USP54: variants seen among roughly 807,000 people sequenced by gnomAD.
USP54 encodes the protein ubiquitin specific peptidase 54.
Under a neutral mutation model 170.5 loss-of-function variants are expected in USP54, and 87 were observed. The observed-to-expected ratio is 0.51, with a 90% CI of 0.43 to 0.61. The LOEUF is 0.61. Among genes scored for constraint, USP54 ranks in the 20% least tolerant of loss-of-function variants. The pLI is 0.00. For synonymous variants in USP54, 655 were observed against 742.8 expected, an observed-to-expected ratio of 0.88 and a Z score of 1.92; for missense variants, 1,786 against 2,047.8, an observed-to-expected ratio of 0.87 and a Z score of 2.47.
chr10:73,540,977 T>A (rs1405128790), intron 9 of USP54, among the ~76,000 whole-genome samples: 3 of 152,238 alleles, frequency 2.0e-5, no homozygotes, highest in Non-Finnish European at 4.4e-5. Flanking sequence ...CTTCACCTAC[T>A]ATAGCAGTTC....
intron 3 of USP54, among the ~76,000 whole-genome samples, chr10:73,573,798 G>A (rs925820807): frequency 6.6e-6 from 1 of 152,138 alleles, no homozygotes; most frequent in Non-Finnish European, 1.5e-5. Context: ...GAAAGAGCAT[G>A]AAACTTTTAT....
At chr10:73,508,047 A>G (rs183461371) in intron 20 of USP54, among the ~76,000 whole-genome samples, 8 of 152,308 alleles carry the variant, frequency 5.3e-5, no homozygotes, top group Middle Eastern at 3.4e-3. Flanking sequence ...TCCTCTAATC[A>G]AGCCAAATGT....
intron 5 of USP54, 31 bp downstream of exon 5, chr10:73,545,507 A>AT: frequency 6.2e-7 from 1 of 1,612,800 alleles, no homozygotes. Context: ...GTCCCACCCC[A>AT]TATCAAAGAG....
intron 4 of USP54, among the ~76,000 whole-genome samples, chr10:73,566,469 C>G (rs1317950487): frequency 6.6e-6 from 1 of 152,114 alleles, no homozygotes; most frequent in Non-Finnish European, 1.5e-5. Flanking sequence ...CGCAGTGGCT[C>G]ACGCCTGTAA....
At chr10:73,606,641 G>A (rs2079652227) in intron 1 of USP54, among the ~76,000 whole-genome samples, 2 of 152,192 alleles carry the variant, frequency 1.3e-5, no homozygotes, top group Admixed American at 1.3e-4. Flanking sequence ...CACTTTGGGA[G>A]GCCGAGGTGG....
chr10:73,614,499 G>A (rs1245286392), intron 1 of USP54, among the ~76,000 whole-genome samples: 3 of 143,706 alleles, frequency 2.1e-5, no homozygotes, highest in Non-Finnish European at 4.4e-5. Context: ...GGCGGATGTT[G>A]CAGTGAGCCG....
rs958023652 is a variant in USP54 at position 73,619,155 on chromosome 10, T to C, written c.-18+6412A>G. On this transcript the variant is annotated intron_variant, in intron 1 of 22. Transcript: ENST00000339859. Reference sequence around the variant, plus strand: ...TTGAACCCAGGAGGTGAAGGTTGCATTCCAGCCTGGGCGATGGAGCAAGAC... The same window carrying C: ...TTGAACCCAGGAGGTGAAGGTTGCACTCCAGCCTGGGCGATGGAGCAAGAC... Among the ~76,000 whole-genome samples, 5 of 150,456 alleles carry C rather than the reference T, an allele frequency of 3.3e-5. 1 individual carries two copies. The highest frequency in any genetic ancestry group is 1.3e-4 in the African/African-American group (5 of 39,864).
rs12257857 is a variant in USP54 at position 73,530,953 on chromosome 10, G to A, written c.1316-118C>T. The A allele has an allele frequency of 2.9e-3, 4,104 of 1,401,322 alleles. 89 individuals are homozygous for A. The African/African-American group carries it at 0.047, about 16-fold the overall frequency. The allele number at this position is 1,401,322 out of a possible 1,614,324, so 86.8% of individuals were successfully genotyped here. ...AATTTAGAGTACCCATGGAACAGAAGCTGTAGGGCATAGGCTATCTGATTT... is the reference window on the plus strand; with the variant it reads ...AATTTAGAGTACCCATGGAACAGAAACTGTAGGGCATAGGCTATCTGATTT... On this transcript the variant is annotated intron_variant, in intron 12 of 23. Coordinates refer to ENST00000687698, the MANE Select transcript of USP54 (RefSeq NM_001391956.1).
At chr10:73,605,060 G>T (rs1349259077) in intron 1 of USP54, among the ~76,000 whole-genome samples, 1 of 151,970 alleles carries the variant, frequency 6.6e-6, no homozygotes, top group East Asian at 1.9e-4. Context: ...GCTAGACACG[G>T]AGTGCTGATT....
chr10:73,559,559 TAA>T (rs574245246), intron 4 of USP54, among the ~76,000 whole-genome samples: 82 of 106,194 alleles, frequency 7.7e-4, no homozygotes, highest in Admixed American at 7.7e-4. Context: ...AAACTCCACC[TAA>T]AAAAAAAAAA....
rs1589736027 is a variant in USP54, at chr10:73,498,374, C to A, written c.*255G>T. On this transcript the variant is annotated 3_prime_UTR_variant, in exon 24 of 24. Coordinates refer to ENST00000687698, the MANE Select transcript of USP54 (RefSeq NM_001391956.1). ...CACTGCAACCTCTGCCTCCCGGGTT[C>A]AAGCAATTCTCCTGCCTCAGCCTTC... The A allele has an allele frequency of 1.3e-5, 3 of 231,506 alleles. No individual in the cohort carries two copies. Among genetic ancestry groups the A allele is most frequent in the Non-Finnish European group, 2.5e-5 (3 of 117,910 alleles). 14.3% of individuals were successfully genotyped at this position (231,506 alleles called of 1,614,324 possible). A position where few individuals can be genotyped will look rare whatever the true frequency, so the allele number is the denominator to read the frequency against.
intron 5 of USP54, among the ~76,000 whole-genome samples, chr10:73,544,404 A>C (rs900963990): frequency 6.6e-6 from 1 of 152,220 alleles, no homozygotes; most frequent in Admixed American, 6.5e-5. Flanking sequence ...TACTCACTGA[A>C]GGACATTTGG....
At chr10:73,595,681 T>G (rs1014836366), upstream of USP54, among the ~76,000 whole-genome samples, 1 of 152,200 alleles carries the variant, frequency 6.6e-6, no homozygotes, top group Non-Finnish European at 1.5e-5. Context: ...ATTATGTCAT[T>G]ATGAACATTA....
intron 4 of USP54, among the ~76,000 whole-genome samples, chr10:73,550,623 G>A (rs935358053): frequency 2.0e-5 from 3 of 152,142 alleles, no homozygotes; most frequent in East Asian, 1.9e-4. Flanking sequence ...AAGTGTAACC[G>A]ATAACTATTT....
intron 7 of USP54, 21 bp from the exon 8 acceptor site, chr10:73,541,759 G>GGA (rs775139724): frequency 2.4e-5 from 39 of 1,605,912 alleles, no homozygotes; most frequent in Non-Finnish European, 3.2e-5. Context: ...GGGAATAGAA[G>GGA]GGGGATGATG....
chr10:73,570,550 C>CTTTTTTT (rs554652532), intron 4 of USP54, among the ~76,000 whole-genome samples: 45 of 132,186 alleles, frequency 3.4e-4, no homozygotes, highest in South Asian at 7.3e-4. Flanking sequence ...TTTCCTTTTT[C>CTTTTTTT]TTTTTTTTTT....
At chr10:73,584,264 T>C (rs915521210) in intron 1 of USP54, among the ~76,000 whole-genome samples, 1 of 152,120 alleles carries the variant, frequency 6.6e-6, no homozygotes, top group Non-Finnish European at 1.5e-5. Flanking sequence ...GGCATGTGCC[T>C]GTAATCCCAG....
Position 73,516,952 on chromosome 10 carries a change from A to G in USP54, c.3474T>C (p.Ser1158=). The change falls in exon 20 of 24, where the codon AGT becomes AGC. Residue 1158 remains serine, a synonymous_variant. Coordinates refer to ENST00000687698, the MANE Select transcript of USP54 (RefSeq NM_001391956.1). ...CAGAAGGGGAAGAGTTCTTCCTTAG[A>G]CTACCTGACAAACTTCTATCCTTGA... ...TGFKDRSLSG[S]LRKNSSPSDS... The G allele has an allele frequency of 6.2e-7, 1 of 1,614,150 alleles. No individual in the cohort carries two copies. The highest frequency in any genetic ancestry group is 8.5e-7 in the Non-Finnish European group (1 of 1,180,028).
chr10:73,528,409 G>A (rs1590054209), intron 15 of USP54, among the ~76,000 whole-genome samples: 2 of 149,852 alleles, frequency 1.3e-5, no homozygotes, highest in Admixed American at 6.7e-5. Flanking sequence ...CCACCACCAC[G>A]CCCGGCTAAT....
Sources: allele counts gnomAD v4.1 joint callset (sites outside exome capture counted in the v4.1 genomes callset), GRCh38; gene constraint gnomAD v4.1.1; transcripts MANE v1.5; gene names NCBI Gene and HGNC (gene_info 2026-07-23, HGNC 2026-07-21).